The following BAIAP2L1 variants were observed in gnomAD, a reference collection of about 807,000 sequenced individuals.
The protein encoded by BAIAP2L1 is BAR/IMD domain containing adaptor protein 2 like 1.
In BAIAP2L1, 35 loss-of-function variants were observed where a neutral mutation model predicts 66.3. The ratio of observed to expected loss-of-function variants is 0.53; its 90% confidence interval spans 0.40 to 0.70. The LOEUF is 0.70. Among genes scored for constraint, BAIAP2L1 ranks in the 30% least tolerant of loss-of-function variants. The probability of loss-of-function intolerance (pLI) is 0.00; values close to 1 mark genes in which losing one functional copy is unlikely to be tolerated. For missense variants in BAIAP2L1, 622 were observed against 656.9 expected (o/e 0.95, Z 0.58); for synonymous variants, 269 against 248.7 (o/e 1.08, Z -0.77).
intron 12 of BAIAP2L1, among the ~76,000 whole-genome samples, chr7:98,300,064 AAC>A (rs1191601031): frequency 2.6e-5 from 4 of 152,128 alleles, no homozygotes; most frequent in Non-Finnish European, 5.9e-5. Context: ...TAAACAAACA[AAC>A]AAATGTAAAC....
rs1802049047 is a variant in BAIAP2L1, at chr7:98,353,535, A to G, written c.214+1507T>C. ...TAAATACACATATATTTATAAATAT[A>G]CATATATTTATATTATAAATATATG... On this transcript the variant is annotated intron_variant, in intron 3 of 13. Transcript: ENST00000005260. 2.2e-5 allele frequency among the ~76,000 whole-genome samples: 3 copies of G among 136,070 alleles called. No homozygotes were observed. In the South Asian group the frequency reaches 6.4e-4, roughly 29 times the overall value. 89.3% of individuals were successfully genotyped at this position (136,070 alleles called of 152,430 possible).
At chr7:98,358,654 G>T (rs993684584) in intron 2 of BAIAP2L1, among the ~76,000 whole-genome samples, 14 of 152,120 alleles carry the variant, frequency 9.2e-5, no homozygotes, top group African/African-American at 3.4e-4. Flanking sequence ...ACCATACCTA[G>T]CATAGTTCTA....
At chr7:98,300,343 T>C (rs1800370508) in intron 12 of BAIAP2L1, among the ~76,000 whole-genome samples, 1 of 152,350 alleles carries the variant, frequency 6.6e-6, no homozygotes, top group South Asian at 2.1e-4. Flanking sequence ...CCGGAACTCC[T>C]GACTGGGATT....
Position 98,400,842 on chromosome 7 carries a change from C to T in BAIAP2L1, c.11G>A (p.Gly4Glu). Residue 4 changes from glycine (G) to glutamate (E), a missense_variant, in exon 1 of 14, where the codon GGG becomes GAG. Transcript: ENST00000005260. ...CGTGAGCCGGTTCACCTCCTCGGGC[C>T]CCCGGGACATGGCTGCGGCCGCCGG... The part of the protein sequence containing the change: MSR[G>E]PEEVNRLTES... The T allele has an allele frequency of 6.5e-7, 1 of 1,545,066 alleles. No homozygotes were observed. Among genetic ancestry groups the T allele is most frequent in the Non-Finnish European group, 8.7e-7 (1 of 1,144,412 alleles).
intron 3 of BAIAP2L1, among the ~76,000 whole-genome samples, chr7:98,336,146 G>A (rs534188736): frequency 6.6e-6 from 1 of 151,890 alleles, no homozygotes; most frequent in Non-Finnish European, 1.5e-5. Context: ...GACTATGAGG[G>A]GGGGTGGGAG....
intron 4 of BAIAP2L1, 43 bp downstream of exon 4, chr7:98,320,194 C>G: frequency 1.3e-6 from 2 of 1,588,962 alleles, no homozygotes; most frequent in Non-Finnish European, 1.7e-6. Context: ...GTTCTAAAAC[C>G]TGAAATGAGT....
intron 1 of BAIAP2L1, among the ~76,000 whole-genome samples, chr7:98,378,566 T>C (rs1295475374): frequency 1.3e-5 from 2 of 152,240 alleles, no homozygotes; most frequent in Admixed American, 1.3e-4. Context: ...TTTAAAGTAC[T>C]TATCATACTG....
chr7:98,353,445 TATAC>T lies in BAIAP2L1; in HGVS notation c.214+1593_214+1596del, dbSNP rs571949319. Among the ~76,000 whole-genome samples the T allele has an allele frequency of 1.7e-3, 239 of 136,898 alleles. 3 individuals carry two copies. In the Admixed American group the frequency reaches 0.018, roughly 10 times the overall value. The allele number at this position is 136,898 out of a possible 152,430, so 89.8% of individuals were successfully genotyped here. On this transcript the variant is annotated intron_variant, in intron 3 of 13. Coordinates refer to ENST00000005260, the MANE Select transcript of BAIAP2L1 (RefSeq NM_018842.5). ...TATATTTATATTATATATAAATATA[TATAC>T]ATACATATTTATATTATAAATATAC...
intron 1 of BAIAP2L1, 58 bp from the exon 2 acceptor site, chr7:98,362,490 C>T: frequency 2.1e-6 from 3 of 1,460,816 alleles, no homozygotes; most frequent in Non-Finnish European, 1.9e-6. Flanking sequence ...AAGTCATCTT[C>T]AGATTTTGTC....
At chr7:98,376,380 C>T (rs376213515) in intron 1 of BAIAP2L1, among the ~76,000 whole-genome samples, 4 of 151,808 alleles carry the variant, frequency 2.6e-5, no homozygotes, top group African/African-American at 4.8e-5. Flanking sequence ...GGTGGCATGG[C>T]GTGTGCTTGT....
At chr7:98,398,968 C>T (rs1366069871) in intron 1 of BAIAP2L1, among the ~76,000 whole-genome samples, 1 of 152,112 alleles carries the variant, frequency 6.6e-6, no homozygotes, top group East Asian at 1.9e-4. Flanking sequence ...CAATGGCCTG[C>T]CTTCCTCAAT....
At chr7:98,351,229 TCACTC>T (rs1264183316) in intron 3 of BAIAP2L1, among the ~76,000 whole-genome samples, 1 of 152,134 alleles carries the variant, frequency 6.6e-6, no homozygotes, top group Non-Finnish European at 1.5e-5. Context: ...GAGAAAAACA[TCACTC>T]CACTCAGACA....
chr7:98,337,545 G>T (rs1193702927), intron 3 of BAIAP2L1, among the ~76,000 whole-genome samples: 1 of 152,228 alleles, frequency 6.6e-6, no homozygotes, highest in Admixed American at 6.5e-5. Context: ...GATGTTAATG[G>T]CATTGCTGCC....
intron 3 of BAIAP2L1, among the ~76,000 whole-genome samples, chr7:98,341,155 A>G (rs1801733724): frequency 6.6e-6 from 1 of 151,872 alleles, no homozygotes; most frequent in Non-Finnish European, 1.5e-5. Flanking sequence ...TATTTTCCAA[A>G]CCCCAAACTG....
chr7:98,336,669 T>A (rs2115611474), intron 3 of BAIAP2L1, among the ~76,000 whole-genome samples: 1 of 152,322 alleles, frequency 6.6e-6, no homozygotes, highest in Non-Finnish European at 1.5e-5. Context: ...ACATGCCCAG[T>A]CTTCCAGTTT....
At chr7:98,328,816 A>G (rs1338968178) in intron 3 of BAIAP2L1, among the ~76,000 whole-genome samples, 4 of 151,956 alleles carry the variant, frequency 2.6e-5, no homozygotes, top group Non-Finnish European at 5.9e-5. Flanking sequence ...GCCTGTAGTC[A>G]CCATTTTTTG....
intron 1 of BAIAP2L1, among the ~76,000 whole-genome samples, chr7:98,388,479 C>T (rs944481222): frequency 1.3e-5 from 2 of 148,530 alleles, no homozygotes; most frequent in East Asian, 2.0e-4. Context: ...AGTGACAGGG[C>T]GAGACTCCCT....
At chr7:98,293,682 T>C (rs1249915998) in intron 13 of BAIAP2L1, 86 bp from the exon 14 acceptor site, 2 of 1,337,094 alleles carry the variant, frequency 1.5e-6, no homozygotes, top group Non-Finnish European at 2.1e-6. Flanking sequence ...GTTCTTGCCC[T>C]GTGAGACTGG....
In BAIAP2L1 at chr7:98,305,047, G is replaced by GTTTTTTTTTT. The variant is rs59633894; in HGVS notation, c.1242-681_1242-672dup. On this transcript the variant is annotated intron_variant, in intron 11 of 13. Coordinates refer to ENST00000005260, the MANE Select transcript of BAIAP2L1 (RefSeq NM_018842.5). ...CGCCCAGCTAATTTTTTTGTTTTTT[G>GTTTTTTTTTT]TTTTTTTTTTTTTTTTTTTTTTTAG... Among the ~76,000 whole-genome samples, 30 of 100,366 alleles carry GTTTTTTTTTT rather than the reference G, an allele frequency of 3.0e-4. 1 individual carries two copies. The highest frequency in any genetic ancestry group is 4.2e-4 in the South Asian group (1 of 2,354). The allele number at this position is 100,366 out of a possible 152,430, so 65.8% of individuals were successfully genotyped here.
Sources: gnomAD v4.1 joint callset for allele counts (sites outside exome capture counted in the v4.1 genomes callset) on GRCh38, gnomAD v4.1.1 for gene constraint, MANE v1.5 for transcripts, NCBI Gene and HGNC (gene_info 2026-07-23, HGNC 2026-07-21) for gene names.